OTOG: variants seen among roughly 807,000 people sequenced by gnomAD.
The protein encoded by OTOG is otogelin.
A neutral mutation model predicts 313.8 loss-of-function variants in OTOG; 296 were observed. The ratio of observed to expected loss-of-function variants is 0.94; its 90% CI spans 0.86 to 1.04. The LOEUF is 1.04. Ranked by LOEUF, OTOG falls within the 50% of genes least tolerant of loss-of-function variation. OTOG has a pLI of 0.00. For synonymous variants in OTOG, 1,533 were observed against 1,554.9 expected (o/e 0.99, Z 0.33); for missense variants, 3,948 against 3,840.1 (o/e 1.03, Z -0.74).
intron 3 of OTOG, among the ~76,000 whole-genome samples, chr11:17,550,740 A>G (rs1780277352): frequency 6.6e-6 from 1 of 152,034 alleles, no homozygotes; most frequent in South Asian, 2.1e-4. Context: ...GCCCCATGAG[A>G]TAGATTAGTA....
rs1316297739 is a variant in OTOG, at chr11:17,640,740, C to T, written c.7936-5C>T. The T allele has an allele frequency of 2.6e-6, 4 of 1,549,656 alleles. No individual in the cohort carries two copies. Among genetic ancestry groups the T allele is most frequent in the Non-Finnish European group, 3.5e-6 (4 of 1,146,956 alleles). ...CAGGGTGCTGACTGCCTCTGCCCCA[C>T]CCAGTGGGAGAAATCCCAGCTGGAT... On this transcript the variant is annotated splice_polypyrimidine_tract_variant and splice_region_variant and intron_variant, in intron 49 of 55. Coordinates refer to ENST00000399397, the MANE Select transcript of OTOG (RefSeq NM_001292063.2).
intron 49 of OTOG, 86 bp from the exon 50 acceptor site, chr11:17,640,659 C>T (rs960497734): frequency 9.2e-5 from 127 of 1,379,432 alleles, no homozygotes; most frequent in Admixed American, 4.3e-4. Context: ...GAGGGACTGA[C>T]GTAGAGAGGG....
At chr11:17,618,279 T>G (rs1213730292) in intron 39 of OTOG, among the ~76,000 whole-genome samples, 4 of 152,242 alleles carry the variant, frequency 2.6e-5, no homozygotes, top group Non-Finnish European at 5.9e-5. Context: ...AGTTTTGATA[T>G]GCTATGTTTT....
chr11:17,553,297 G>A (rs1175164764), intron 5 of OTOG, 68 bp from the exon 6 acceptor site: 4 of 1,511,078 alleles, frequency 2.6e-6, no homozygotes, highest in Non-Finnish European at 3.6e-6. Context: ...TCCAGGGCTG[G>A]AACCCACCAG....
chr11:17,558,975 G>A, intron 10 of OTOG, 77 bp from the exon 11 acceptor site: 1 of 1,155,606 alleles, frequency 8.7e-7, no homozygotes, highest in Non-Finnish European at 1.3e-6. Context: ...TGAAGCCCTG[G>A]CAGTGTCTAT....
chr11:17,576,724 C>A, intron 21 of OTOG, 94 bp downstream of exon 21: 1 of 1,443,018 alleles, frequency 6.9e-7, no homozygotes, highest in Non-Finnish European at 9.5e-7. Context: ...TGTGAAGGGA[C>A]ACCCAGCCCT....
chr11:17,562,029 T>C (rs1403866882), intron 15 of OTOG, among the ~76,000 whole-genome samples: 2 of 135,784 alleles, frequency 1.5e-5, no homozygotes, highest in African/African-American at 5.8e-5. Context: ...TTTTAGGATT[T>C]TACTACCTAA....
chr11:17,556,990 T>C (rs1589996082), intron 7 of OTOG, 128 bp from the exon 8 acceptor site: 1 of 863,530 alleles, frequency 1.2e-6, no homozygotes, highest in Non-Finnish European at 1.8e-6. Context: ...CTGGGAATTC[T>C]GGGAATTCAT....
rs1486110544 is a variant in OTOG, at chr11:17,553,463, G to A, written c.484G>A (p.Gly162Ser). The A allele has an allele frequency of 1.4e-6, 2 of 1,466,434 alleles. No homozygotes were observed. Among genetic ancestry groups the A allele is most frequent in the South Asian group, 2.9e-5 (2 of 69,602 alleles). 90.8% of individuals were successfully genotyped at this position (1,466,434 alleles called of 1,614,324 possible). Residue 162 changes from glycine to serine, a missense_variant, in exon 6 of 56, where the codon GGC (glycine) becomes AGC (serine). Physicochemically the swap from Gly to Ser is moderately conservative, Grantham distance 56. Coordinates refer to ENST00000399397, the MANE Select transcript of OTOG (RefSeq NM_001292063.2). ...GCTCTACTACTACCTCTCCGGAAAG[G>A]GCAGCTACACCCTGGTGGGTCGCCA... ...DGLYYYLSGK[G>S]SYTLVGRHEP...
intron 26 of OTOG, 120 bp from the exon 27 acceptor site, chr11:17,593,490 A>T: frequency 6.9e-7 from 1 of 1,443,620 alleles, no homozygotes; most frequent in Non-Finnish European, 9.4e-7. Flanking sequence ...TCAGGAACAC[A>T]GAGGCCAATG....
intron 23 of OTOG, among the ~76,000 whole-genome samples, chr11:17,581,752 C>A (rs1457882243): frequency 2.0e-5 from 3 of 152,136 alleles, no homozygotes; most frequent in Non-Finnish European, 4.4e-5. Flanking sequence ...CAGAAAATTC[C>A]CTAATGTTGG....
chr11:17,560,976 C>A, intron 13 of OTOG, 115 bp from the exon 14 acceptor site: 1 of 1,309,872 alleles, frequency 7.6e-7, no homozygotes, highest in South Asian at 1.3e-5. Context: ...TGGGGGAAAT[C>A]TCTACCACCC....
At chr11:17,574,990 C>A (rs1852492678) in intron 20 of OTOG, 78 bp downstream of exon 20, 9 of 1,336,940 alleles carry the variant, frequency 6.7e-6, no homozygotes, top group African/African-American at 1.5e-5. Context: ...GACTGGGGAA[C>A]CTGGCTGGGC....
Position 17,572,523 on chromosome 11 carries a change from C to T in OTOG, c.2080+319C>T, listed in dbSNP as rs573528068. On this transcript the variant is annotated intron_variant, in intron 18 of 55. Transcript: ENST00000399397. ...TGCCCCCCTTCTCACCTCCTACTCTCACCGCCCTCTGCTCTGCCCCAGCTG... is the reference window on the plus strand; with the variant it reads ...TGCCCCCCTTCTCACCTCCTACTCTTACCGCCCTCTGCTCTGCCCCAGCTG... Among the ~76,000 whole-genome samples the T allele has an allele frequency of 7.9e-5, 12 of 152,344 alleles. 1 individual carries two copies. In the Middle Eastern group the frequency reaches 0.01, roughly 130 times the overall value.
intron 44 of OTOG, among the ~76,000 whole-genome samples, chr11:17,634,590 C>A (rs182350600): frequency 4.6e-5 from 7 of 152,130 alleles, no homozygotes; most frequent in Non-Finnish European, 4.4e-5. Flanking sequence ...AGCTGAAGAT[C>A]GATCGGGCCC....
intron 35 of OTOG, 128 bp downstream of exon 35, chr11:17,609,337 A>G: frequency 3.7e-6 from 3 of 804,150 alleles, no homozygotes; most frequent in South Asian, 1.7e-5. Flanking sequence ...CTTTGGAAAG[A>G]GGCACAGGCA....
chr11:17,623,675 G>A (rs1853917544), intron 39 of OTOG, among the ~76,000 whole-genome samples: 1 of 152,190 alleles, frequency 6.6e-6, no homozygotes, highest in Non-Finnish European at 1.5e-5. Flanking sequence ...TAATGGGATT[G>A]CTGGGTCAAA....
intron 14 of OTOG, among the ~76,000 whole-genome samples, 157 bp from the exon 15 acceptor site, chr11:17,561,505 C>A (rs980360094): frequency 1.3e-5 from 2 of 152,096 alleles, no homozygotes; most frequent in Non-Finnish European, 2.9e-5. Context: ...AAGCCTGTGT[C>A]TCCCACTGCC....
intron 39 of OTOG, among the ~76,000 whole-genome samples, chr11:17,628,391 A>T (rs1443747917): frequency 6.6e-6 from 1 of 152,196 alleles, no homozygotes; most frequent in Admixed American, 6.5e-5. Context: ...AAATACTTTA[A>T]AATCTTAATC....
Sources: allele counts gnomAD v4.1 joint callset (sites outside exome capture counted in the v4.1 genomes callset), GRCh38; gene constraint gnomAD v4.1.1; transcripts MANE v1.5; gene names NCBI Gene and HGNC (gene_info 2026-07-23, HGNC 2026-07-21).